The following RIF1 variants were observed in gnomAD, a reference collection of about 807,000 sequenced individuals.
RIF1 encodes replication timing regulatory factor 1.
A neutral mutation model predicts 247.1 loss-of-function variants in RIF1; 45 were observed. The observed-to-expected ratio is 0.18, with a 90% CI of 0.14 to 0.23. The LOEUF (loss-of-function observed/expected upper bound fraction) is 0.23. RIF1 is among the 10% of genes least tolerant of loss of function. The pLI is 1.00. For synonymous variants in RIF1, 1,087 were observed against 978.8 expected, an observed-to-expected ratio of 1.11 and a Z score of -2.06; for missense variants, 2,967 against 2,862.5, an observed-to-expected ratio of 1.04 and a Z score of -0.83.
chr2:151,411,074 T>A (rs1686107476), intron 2 of RIF1, among the ~76,000 whole-genome samples, 186 bp from the exon 3 acceptor site: 2 of 152,226 alleles, frequency 1.3e-5, no homozygotes, highest in South Asian at 2.1e-4. Flanking sequence ...TCTGAGGGTT[T>A]TTCTACTTTC....
chr2:151,437,212 C>G (rs1369634123), intron 12 of RIF1, 29 bp from the exon 13 acceptor site: 1 of 1,518,346 alleles, frequency 6.6e-7, no homozygotes, highest in Non-Finnish European at 9.1e-7. Flanking sequence ...TGTTGTTTTA[C>G]ATAATTATCT....
chr2:151,413,183 C>T (rs142318303), intron 3 of RIF1, among the ~76,000 whole-genome samples: 39 of 151,888 alleles, frequency 2.6e-4, no homozygotes, highest in African/African-American at 8.4e-4. Context: ...TGTGCCACTA[C>T]GCCCAGCTAC....
intron 3 of RIF1, among the ~76,000 whole-genome samples, chr2:151,411,559 C>T (rs1378816246): frequency 6.6e-6 from 1 of 151,994 alleles, no homozygotes; most frequent in African/African-American, 2.4e-5. Context: ...TCCGCCACCG[C>T]CCCGGCTAAT....
At chr2:151,493,440 C>A in intron 9 of RIF1, 1 of 1,591,806 alleles carries the variant, frequency 6.3e-7, no homozygotes, top group Non-Finnish European at 8.5e-7. Context: ...TCTCTTTGTA[C>A]AATACCTAGG....
intron 20 of RIF1, among the ~76,000 whole-genome samples, chr2:151,448,304 A>T (rs1207909992): frequency 6.6e-6 from 1 of 152,164 alleles, no homozygotes; most frequent in Non-Finnish European, 1.5e-5. Flanking sequence ...TCAGCCTTCC[A>T]AAGTGTTGGG....
chr2:151,487,209 G>A (rs563433708), intron 9 of RIF1, among the ~76,000 whole-genome samples: 2 of 152,268 alleles, frequency 1.3e-5, no homozygotes, highest in East Asian at 3.9e-4. Context: ...TTCACTCTGG[G>A]AATTTGGGAG....
the RIF1 span, chr2:151,514,355 A>C: frequency 6.2e-7 from 1 of 1,613,832 alleles, no homozygotes; most frequent in Admixed American, 1.7e-5. Context: ...TGCTCTTAGC[A>C]TGTCAGGTGT....
chr2:151,444,214 G>T (rs1362471717), intron 18 of RIF1, among the ~76,000 whole-genome samples: 1 of 152,184 alleles, frequency 6.6e-6, no homozygotes, highest in East Asian at 1.9e-4. Context: ...TTCTGTTTAT[G>T]ATTTGTCAGC....
At chr2:151,446,251 G>A (rs1317752744) in intron 19 of RIF1, among the ~76,000 whole-genome samples, 175 bp from the exon 20 acceptor site, 2 of 152,014 alleles carry the variant, frequency 1.3e-5, no homozygotes, top group Non-Finnish European at 2.9e-5. Flanking sequence ...CACCAACCTC[G>A]GCCTCCCAGA....
rs2048941966 is a variant in RIF1 at position 151,476,599 on chromosome 2, AAAT to A, written c.*1529_*1531del. 6.6e-6 allele frequency: 1 copy of A among 152,190 alleles called. No individual in the cohort carries two copies. Among genetic ancestry groups the A allele is most frequent in the Admixed American group, 6.5e-5 (1 of 15,270 alleles). The allele number at this position is 152,190 out of a possible 1,614,324, so 9.4% of individuals were successfully genotyped here. A position where few individuals can be genotyped will look rare whatever the true frequency, so the allele number is the denominator to read the frequency against. Reference sequence around the variant, plus strand: ...AGTTGGTGTCTTTTTTCATCATCATAAATTCATCATAATCACAGATATTTTTGG... The same window carrying A: ...AGTTGGTGTCTTTTTTCATCATCATATCATCATAATCACAGATATTTTTGG... On this transcript the variant is annotated 3_prime_UTR_variant, in exon 36 of 36. Coordinates refer to ENST00000444746, the MANE Select transcript of RIF1 (RefSeq NM_018151.5).
chr2:151,455,258 C>T (rs1694990004), intron 22 of RIF1, 99 bp downstream of exon 22: 1 of 823,000 alleles, frequency 1.2e-6, no homozygotes. Flanking sequence ...AGATGGTAGT[C>T]TTGACAATTT....
chr2:151,414,229 G>A (rs903169132), intron 3 of RIF1, among the ~76,000 whole-genome samples: 24 of 151,944 alleles, frequency 1.6e-4, no homozygotes, highest in African/African-American at 5.8e-4. Context: ...GAGGTTGCAG[G>A]GAACTGAGAT....
chr2:151,470,496 G>T (rs1246696959), intron 34 of RIF1, among the ~76,000 whole-genome samples: 2 of 152,108 alleles, frequency 1.3e-5, no homozygotes, highest in African/African-American at 4.8e-5. Context: ...CAGTTTAGCA[G>T]CCCTAATCTG....
At chr2:151,533,652 A>G in the RIF1 span, 7 of 680,782 alleles carry the variant, frequency 1.0e-5, no homozygotes, top group South Asian at 1.2e-4. Flanking sequence ...AGGCATACAC[A>G]CTTTATGTAC....
rs1397959241 is a variant in RIF1, at chr2:151,411,251, CT to C, written c.105-4del. 4 of 1,544,632 alleles carry C rather than the reference CT, an allele frequency of 2.6e-6. No homozygotes were observed. In the African/African-American group the frequency reaches 5.6e-5, roughly 22 times the overall value. ...ACTACTTAAACTTGTGTTCTTCCTG[CT>C]TTTTAAGTCGTATGACTGGAGAAGA... On this transcript the variant is annotated splice_region_variant and splice_polypyrimidine_tract_variant and intron_variant, in intron 2 of 35. Coordinates refer to ENST00000444746, the MANE Select transcript of RIF1 (RefSeq NM_018151.5).
At chr2:151,456,549 T>C (rs887882455) in intron 22 of RIF1, 29 bp from the exon 23 acceptor site, 3 of 1,260,268 alleles carry the variant, frequency 2.4e-6, no homozygotes, top group African/African-American at 3.0e-5. Context: ...TGCAGAAATA[T>C]AAATGGTATT....
chr2:151,444,744 A>T (rs1015132983), intron 18 of RIF1, among the ~76,000 whole-genome samples: 4 of 152,172 alleles, frequency 2.6e-5, no homozygotes, highest in Non-Finnish European at 5.9e-5. Context: ...TTTTTGCTGG[A>T]ATGCTGTGTA....
Position 151,410,445 on chromosome 2 carries a change from C to T in RIF1, c.22C>T (p.Pro8Ser). 4.3e-6 allele frequency: 7 copies of T among 1,613,982 alleles called. No individual in the cohort carries two copies. Among genetic ancestry groups the T allele is most frequent in the Non-Finnish European group, 5.1e-6 (6 of 1,179,990 alleles). Reference protein sequence around the residue: MTARGQSPLAPLLETLED... With the variant: MTARGQSSLAPLLETLED... ...CGACATGACGGCCAGGGGTCAGAGC[C>T]CCCTCGCGCCGCTGTTGGAGACTTT... The change falls in exon 2 of 36, where the codon CCC becomes TCC. Residue 8 changes from proline (P) to serine (S), a missense_variant. Transcript: ENST00000444746.
At chr2:151,423,127 C>A in intron 8 of RIF1, 85 bp downstream of exon 8, 1 of 746,104 alleles carries the variant, frequency 1.3e-6, no homozygotes, top group South Asian at 1.7e-5. Flanking sequence ...AGTTGATGCT[C>A]ATTATTTCCT....
Sources: allele counts gnomAD v4.1 joint callset (sites outside exome capture counted in the v4.1 genomes callset), GRCh38; gene constraint gnomAD v4.1.1; transcripts MANE v1.5; gene names NCBI Gene and HGNC (gene_info 2026-07-23, HGNC 2026-07-21).